PXDNL: variants seen among roughly 807,000 people sequenced by gnomAD.
PXDNL encodes probable oxidoreductase PXDNL.
In PXDNL, 145 loss-of-function variants were observed where a neutral mutation model predicts 150.8. The ratio of observed to expected loss-of-function variants is 0.96; its 90% CI spans 0.84 to 1.10. PXDNL has a LOEUF of 1.10. Among genes scored for constraint, PXDNL ranks in the 50% least tolerant of loss-of-function variants. The probability of loss-of-function intolerance (pLI) is 0.00; values close to 1 mark genes in which losing one functional copy is unlikely to be tolerated. For synonymous variants in PXDNL, 757 were observed against 725.7 expected (o/e 1.04, Z -0.69); for missense variants, 2,087 against 1,873.9 (o/e 1.11, Z -2.10).
chr8:51,711,682 T>G (rs1156895234), intron 1 of PXDNL, among the ~76,000 whole-genome samples: 1 of 152,238 alleles, frequency 6.6e-6, no homozygotes, highest in Non-Finnish European at 1.5e-5. Flanking sequence ...CTTTGTTTTG[T>G]TAAGGAACTT....
intron 10 of PXDNL, 114 bp downstream of exon 10, chr8:51,453,405 A>G: frequency 8.7e-7 from 1 of 1,144,916 alleles, no homozygotes; most frequent in Non-Finnish European, 1.2e-6. Context: ...GTCAAAAAAT[A>G]ATTGGCAAAT....
rs77135958 is a variant in PXDNL at position 51,556,203 on chromosome 8, C to T, written c.380+637G>A. Among the ~76,000 whole-genome samples the T allele has an allele frequency of 6.5e-3, 985 of 152,006 alleles. 14 individuals are homozygous for T. The highest frequency in any genetic ancestry group is 9.2e-3 in the Non-Finnish European group (626 of 67,978). Reference sequence around the variant, plus strand: ...ACAAGAATCACTTGAACCCAGGAGGCGAATGAGCTGTGATGGGACAACTGC... The same window carrying T: ...ACAAGAATCACTTGAACCCAGGAGGTGAATGAGCTGTGATGGGACAACTGC... On this transcript the variant is annotated intron_variant, in intron 4 of 22. Coordinates refer to ENST00000356297, the MANE Select transcript of PXDNL (RefSeq NM_144651.5).
chr8:51,798,577 T>C (rs964295019), intron 1 of PXDNL, among the ~76,000 whole-genome samples: 3 of 151,998 alleles, frequency 2.0e-5, no homozygotes, highest in African/African-American at 4.8e-5. Context: ...AACAAACATA[T>C]GAAAAAAGGC....
chr8:51,640,990 C>A (rs1425163501), intron 2 of PXDNL, among the ~76,000 whole-genome samples: 2 of 152,188 alleles, frequency 1.3e-5, no homozygotes, highest in Non-Finnish European at 2.9e-5. Flanking sequence ...CAGCATGGTA[C>A]TGGTACCAAA....
chr8:51,367,569 A>G (rs889885341), intron 19 of PXDNL, among the ~76,000 whole-genome samples: 2 of 152,214 alleles, frequency 1.3e-5, no homozygotes, highest in Non-Finnish European at 2.9e-5. Context: ...TACTTTGGGA[A>G]TTCTATAAGA....
chr8:51,642,728 A>G (rs1030073457), intron 2 of PXDNL, among the ~76,000 whole-genome samples: 9 of 152,222 alleles, frequency 5.9e-5, no homozygotes, highest in Non-Finnish European at 1.0e-4. Context: ...AGGGTATTCA[A>G]TTAGGAAAAG....
At chr8:51,638,109 A>G (rs138567421) in intron 2 of PXDNL, among the ~76,000 whole-genome samples, 1 of 152,200 alleles carries the variant, frequency 6.6e-6, no homozygotes, top group African/African-American at 2.4e-5. Flanking sequence ...CTAGCTTCAT[A>G]ACTGAAGGAT....
chr8:51,427,408 C>T (rs139172002), intron 12 of PXDNL, among the ~76,000 whole-genome samples: 247 of 151,890 alleles, frequency 1.6e-3, no homozygotes, highest in African/African-American at 5.8e-3. Flanking sequence ...AAGGCTCACC[C>T]TAATATCAAA....
At chr8:51,688,629 C>A (rs1443301152) in intron 1 of PXDNL, among the ~76,000 whole-genome samples, 3 of 152,050 alleles carry the variant, frequency 2.0e-5, no homozygotes, top group Non-Finnish European at 4.4e-5. Flanking sequence ...TTTTTATTAG[C>A]CCCTCTATCC....
At chr8:51,575,198 T>A (rs1813024126) in intron 3 of PXDNL, among the ~76,000 whole-genome samples, 1 of 151,934 alleles carries the variant, frequency 6.6e-6, no homozygotes, top group African/African-American at 2.4e-5. Context: ...GAGAATGTGA[T>A]AAATTATGTA....
At position 51,696,847 on chromosome 8, in the gene PXDNL, A is replaced by ACG. The variant is rs1214971854; in HGVS notation, c.165-42088_165-42087insCG. 9.9e-4 allele frequency among the ~76,000 whole-genome samples: 136 copies of ACG among 137,482 alleles called. 3 individuals carry two copies. The highest frequency in any genetic ancestry group is 1.3e-3 in the African/African-American group (45 of 34,338). 90.2% of individuals were successfully genotyped at this position (137,482 alleles called of 152,430 possible). On this transcript the variant is annotated intron_variant, in intron 1 of 22. Transcript: ENST00000356297. Reference sequence around the variant, plus strand: ...CACACACACACACACACAGGTCCTGACACACACACAGGTCCACACACATGT... The same window carrying ACG: ...CACACACACACACACACAGGTCCTGACGCACACACACAGGTCCACACACATGT...
chr8:51,412,583 T>C (rs1188185503), intron 15 of PXDNL, among the ~76,000 whole-genome samples: 1 of 152,264 alleles, frequency 6.6e-6, no homozygotes, highest in Non-Finnish European at 1.5e-5. Flanking sequence ...ATGTCCCTTT[T>C]TGACCACTAA....
chr8:51,652,682 T>C (rs1377949253), intron 2 of PXDNL, among the ~76,000 whole-genome samples: 1 of 152,116 alleles, frequency 6.6e-6, no homozygotes, highest in Non-Finnish European at 1.5e-5. Flanking sequence ...AATTTCCTCA[T>C]CTGTAAAATG....
intron 1 of PXDNL, among the ~76,000 whole-genome samples, chr8:51,760,844 A>ATTTTTTTTTTTTTTT (rs1563312827): frequency 2.1e-5 from 1 of 48,036 alleles, no homozygotes; most frequent in Non-Finnish European, 4.6e-5. Context: ...AATCACTTAA[A>ATTTTTTTTTTTTTTT]CTTTTTTTTT....
chr8:51,403,088 CAA>C (rs201970177), intron 17 of PXDNL, among the ~76,000 whole-genome samples: 12 of 52,836 alleles, frequency 2.3e-4, no homozygotes, highest in Non-Finnish European at 3.5e-4. Flanking sequence ...ACTCCCTCTC[CAA>C]AAAAAAAAAA....
At chr8:51,668,881 C>A (rs1815442334) in intron 1 of PXDNL, among the ~76,000 whole-genome samples, 1 of 152,062 alleles carries the variant, frequency 6.6e-6, no homozygotes, top group Non-Finnish European at 1.5e-5. Context: ...AATGTTCTTG[C>A]ATATAATAAC....
In PXDNL at chr8:51,476,562, T is replaced by C. The variant is rs866101332; in HGVS notation, c.525-1421A>G. 5.9e-5 allele frequency among the ~76,000 whole-genome samples: 9 copies of C among 151,616 alleles called. No individual in the cohort carries two copies. In the Middle Eastern group the frequency reaches 0.01, roughly 172 times the overall value. ...TTATACTATACTTCACTAATTTTTC[T>C]GTCACATTTTTCCTCATGAAATAAA... On this transcript the variant is annotated intron_variant, in intron 6 of 22. Transcript: ENST00000356297.
intron 1 of PXDNL, among the ~76,000 whole-genome samples, chr8:51,685,973 G>A (rs1039304316): frequency 1.3e-5 from 2 of 152,078 alleles, no homozygotes; most frequent in Non-Finnish European, 2.9e-5. Flanking sequence ...TTTTAGCATC[G>A]ATTTAGATAT....
intron 6 of PXDNL, among the ~76,000 whole-genome samples, chr8:51,477,648 G>A (rs868378088): frequency 6.6e-6 from 1 of 152,188 alleles, no homozygotes; most frequent in South Asian, 2.1e-4. Flanking sequence ...ATATAAAGGA[G>A]TAAGTTCTCA....
Sources: allele counts gnomAD v4.1 joint callset (sites outside exome capture counted in the v4.1 genomes callset), GRCh38; gene constraint gnomAD v4.1.1; transcripts MANE v1.5; gene names NCBI Gene and HGNC (gene_info 2026-07-23, HGNC 2026-07-21).